Variants in GRK3 observed in about 807,000 individuals in gnomAD.
The protein encoded by GRK3 is adrenergic, beta, receptor kinase 2.
In GRK3, 54 loss-of-function variants were observed where a neutral mutation model predicts 95.7. The ratio of observed to expected loss-of-function variants is 0.56; its 90% CI spans 0.45 to 0.71. The LOEUF (loss-of-function observed/expected upper bound fraction) is 0.71. Among genes scored for constraint, GRK3 ranks in the 30% least tolerant of loss-of-function variants. The pLI is 0.00. For synonymous variants in GRK3, 281 were observed against 290.8 expected, an observed-to-expected ratio of 0.97 and a Z score of 0.34; for missense variants, 649 against 851.2, an observed-to-expected ratio of 0.76 and a Z score of 2.96.
chr22:25,594,085 G>T (rs893820134), intron 1 of GRK3, among the ~76,000 whole-genome samples: 4 of 152,040 alleles, frequency 2.6e-5, no homozygotes, highest in African/African-American at 9.7e-5. Context: ...GGCTATTTGG[G>T]CTCTTTTTTT....
intron 12 of GRK3, among the ~76,000 whole-genome samples, chr22:25,694,704 A>G (rs2085192696): frequency 6.6e-6 from 1 of 152,134 alleles, no homozygotes; most frequent in Admixed American, 6.5e-5. Flanking sequence ...CATGCCTTCA[A>G]GGTCCACAGC....
chr22:25,604,503 G>A (rs750823100), intron 2 of GRK3, 50 bp downstream of exon 2: 1 of 1,322,442 alleles, frequency 7.6e-7, no homozygotes, highest in African/African-American at 1.4e-5. Flanking sequence ...TGATGAAATT[G>A]GGCGATACTA....
At chr22:25,707,696 G>T (rs1568937276) in intron 15 of GRK3, among the ~76,000 whole-genome samples, 1 of 152,204 alleles carries the variant, frequency 6.6e-6, no homozygotes, top group Non-Finnish European at 1.5e-5. Flanking sequence ...CCTGGGCACT[G>T]GGTTTGGTTA....
Position 25,643,360 on chromosome 22 carries a change from C to A in GRK3, c.191-1232C>A, listed in dbSNP as rs1215246540. Among the ~76,000 whole-genome samples, 4 of 152,216 alleles carry A rather than the reference C, an allele frequency of 2.6e-5. No homozygotes were observed. The East Asian group carries it at 7.7e-4, about 29-fold the overall frequency. ...CTACTCTAGTTTGAGTGAACGAACA[C>A]TTACCATTTTCAAAGGCCACGTTCC... On this transcript the variant is annotated intron_variant, in intron 2 of 20. Coordinates refer to ENST00000324198, the MANE Select transcript of GRK3 (RefSeq NM_005160.4).
At chr22:25,572,579 ACTTTCTTGCTTGCTTGCTTTCCTCC>A (rs1378792927) in intron 1 of GRK3, among the ~76,000 whole-genome samples, 1 of 151,942 alleles carries the variant, frequency 6.6e-6, no homozygotes, top group African/African-American at 2.4e-5. Flanking sequence ...TCGCACTCAC[ACTTTCTTGCTTGCTTGCTTTCCTCC>A]CTTTCTTCTT....
chr22:25,576,600 G>A (rs1322508060), intron 1 of GRK3, among the ~76,000 whole-genome samples: 1 of 152,194 alleles, frequency 6.6e-6, no homozygotes, highest in Non-Finnish European at 1.5e-5. Flanking sequence ...TTAGAAGAAG[G>A]AAATTCAGGT....
At chr22:25,670,292 G>A (rs939968969) in intron 6 of GRK3, among the ~76,000 whole-genome samples, 14 of 151,982 alleles carry the variant, frequency 9.2e-5, no homozygotes, top group Admixed American at 5.2e-4. Flanking sequence ...CTAGGGCTTC[G>A]ACACCAGCCT....
At chr22:25,714,332 A>G (rs2146468155) in intron 17 of GRK3, 76 bp from the exon 18 acceptor site, 3 of 1,288,088 alleles carry the variant, frequency 2.3e-6, no homozygotes, top group Non-Finnish European at 3.3e-6. Context: ...TAGAGTCACC[A>G]TGGATGTGGC....
chr22:25,713,810 G>T, intron 17 of GRK3, among the ~76,000 whole-genome samples: 1 of 152,190 alleles, frequency 6.6e-6, no homozygotes, highest in East Asian at 1.9e-4. Flanking sequence ...GCTCTTAAAG[G>T]CTCCATTGCC....
chr22:25,601,158 C>T (rs2084407075), intron 1 of GRK3, among the ~76,000 whole-genome samples: 1 of 152,200 alleles, frequency 6.6e-6, no homozygotes, highest in Non-Finnish European at 1.5e-5. Flanking sequence ...TATCAACCAA[C>T]TTGACCCAGT....
At chr22:25,704,067 T>C (rs369586144) in intron 14 of GRK3, 42 bp from the exon 15 acceptor site, 3 of 1,490,274 alleles carry the variant, frequency 2.0e-6, no homozygotes, top group Non-Finnish European at 1.9e-6. Flanking sequence ...AGGATGCTGT[T>C]TCATGAACGG....
At chr22:25,642,337 G>A (rs1416846211) in intron 2 of GRK3, among the ~76,000 whole-genome samples, 1 of 152,130 alleles carries the variant, frequency 6.6e-6, no homozygotes, top group Non-Finnish European at 1.5e-5. Context: ...GGAGGCTGAG[G>A]CAGGAGAATT....
intron 13 of GRK3, 62 bp from the exon 14 acceptor site, chr22:25,703,448 C>T: frequency 1.6e-6 from 2 of 1,247,142 alleles, no homozygotes; most frequent in Non-Finnish European, 2.3e-6. Context: ...AAATATTAGT[C>T]AGTGATATGT....
chr22:25,694,064 T>G (rs1308029234), intron 12 of GRK3, among the ~76,000 whole-genome samples: 1 of 152,218 alleles, frequency 6.6e-6, no homozygotes, highest in Non-Finnish European at 1.5e-5. Context: ...CTGCTGGGAT[T>G]ACAGGCATGA....
At chr22:25,692,424 G>GTTGTGAGGA (rs1245461264) in intron 12 of GRK3, among the ~76,000 whole-genome samples, 1 of 152,258 alleles carries the variant, frequency 6.6e-6, no homozygotes, top group African/African-American at 2.4e-5. Context: ...TCCTGTGATA[G>GTTGTGAGGA]TTGTGAGGAT....
intron 1 of GRK3, among the ~76,000 whole-genome samples, chr22:25,585,350 A>G (rs1170204007): frequency 4.6e-5 from 7 of 152,214 alleles, no homozygotes; most frequent in African/African-American, 1.7e-4. Flanking sequence ...TGCCCTGCTC[A>G]TTTTTGAGGT....
chr22:25,666,508 G>A (rs568092031), intron 5 of GRK3, among the ~76,000 whole-genome samples: 2 of 152,144 alleles, frequency 1.3e-5, no homozygotes, highest in African/African-American at 2.4e-5. Flanking sequence ...TATGGTTTTC[G>A]CAACTAGCTC....
intron 15 of GRK3, among the ~76,000 whole-genome samples, chr22:25,708,639 G>A (rs1030375183): frequency 6.6e-6 from 1 of 152,002 alleles, no homozygotes. Context: ...CCCCATGCGG[G>A]CTTTTCCTTG....
At chr22:25,717,692 C>T (rs1390170095) in intron 18 of GRK3, among the ~76,000 whole-genome samples, 5 of 152,060 alleles carry the variant, frequency 3.3e-5, no homozygotes, top group Non-Finnish European at 7.4e-5. Context: ...GTAATCAGGA[C>T]TCAACAATGT....
Sources: allele counts gnomAD v4.1 joint callset (sites outside exome capture counted in the v4.1 genomes callset), GRCh38; gene constraint gnomAD v4.1.1; transcripts MANE v1.5; gene names NCBI Gene and HGNC (gene_info 2026-07-23, HGNC 2026-07-21).